DCP2: variants seen among roughly 807,000 people sequenced by gnomAD.
DCP2 encodes decapping mRNA 2.
A neutral mutation model predicts 56.1 loss-of-function variants in DCP2; 30 were observed. That is an observed-to-expected ratio of 0.53 (90% CI 0.40 to 0.73). DCP2 has a LOEUF of 0.73. DCP2 is among the 30% of genes least tolerant of loss of function. The probability of loss-of-function intolerance (pLI) is 0.00; values close to 1 mark genes in which losing one functional copy is unlikely to be tolerated. For synonymous variants in DCP2, 197 were observed against 163.3 expected (o/e 1.21, Z -1.57); for missense variants, 533 against 502.7 (o/e 1.06, Z -0.58).
At chr5:112,990,544 C>CT (rs890645945) in intron 2 of DCP2, among the ~76,000 whole-genome samples, 3 of 151,906 alleles carry the variant, frequency 2.0e-5, no homozygotes, top group African/African-American at 4.8e-5. Context: ...AAGCTTTCAT[C>CT]TTTTTTTTCC....
At chr5:112,999,653 G>A (rs894184224) in intron 4 of DCP2, among the ~76,000 whole-genome samples, 2 of 149,930 alleles carry the variant, frequency 1.3e-5, no homozygotes, top group African/African-American at 4.9e-5. Context: ...TAAAGACAGG[G>A]TCTTGCTCTG....
intron 7 of DCP2, among the ~76,000 whole-genome samples, chr5:113,002,802 C>T (rs992606552): frequency 2.6e-5 from 4 of 152,174 alleles, no homozygotes; most frequent in Non-Finnish European, 5.9e-5. Context: ...AGATTACGGG[C>T]GTGAGCCACC....
chr5:112,979,104 G>C (rs1370407856), intron 1 of DCP2, among the ~76,000 whole-genome samples: 2 of 150,002 alleles, frequency 1.3e-5, no homozygotes, highest in Non-Finnish European at 3.0e-5. Flanking sequence ...AAGTGTTAAA[G>C]ATAGTTGGTT....
chr5:113,021,320 T>TC lies in DCP2; in HGVS notation c.*7837dup, dbSNP rs1474399149. Among the ~76,000 whole-genome samples the TC allele has an allele frequency of 1.1e-4, 16 of 140,058 alleles. No homozygotes were observed. Among genetic ancestry groups the TC allele is most frequent in the Admixed American group, 1.6e-4 (2 of 12,786 alleles). 91.9% of individuals were successfully genotyped at this position (140,058 alleles called of 152,430 possible). A position where few individuals can be genotyped will look rare whatever the true frequency, so the allele number is the denominator to read the frequency against. ...AGGCAGAGGTCGCAGTGAGCTGAGA[T>TC]CACACCACTGCACTCCAGCCTGGGT... is the stretch of plus-strand genomic sequence containing the variant. On this transcript the variant is annotated 3_prime_UTR_variant, in exon 11 of 11. Coordinates refer to ENST00000389063, the MANE Select transcript of DCP2 (RefSeq NM_152624.6).
rs536327651 is a variant in DCP2 at position 112,979,240 on chromosome 5, A to G, written c.53+2254A>G. On this transcript the variant is annotated intron_variant, in intron 1 of 10. Transcript: ENST00000389063. ...TATAAATAAGGATATGATATATTTAAAAATTAGGGCTGGCTGTAATAATGA... is the reference window on the plus strand; with the variant it reads ...TATAAATAAGGATATGATATATTTAGAAATTAGGGCTGGCTGTAATAATGA... Among the ~76,000 whole-genome samples, 281 of 152,292 alleles carry G rather than the reference A, an allele frequency of 1.8e-3. 1 individual carries two copies. Among genetic ancestry groups the G allele is most frequent in the African/African-American group, 6.5e-3 (269 of 41,588 alleles).
At chr5:112,990,668 C>A (rs1219533014) in intron 2 of DCP2, among the ~76,000 whole-genome samples, 1 of 152,100 alleles carries the variant, frequency 6.6e-6, no homozygotes, top group African/African-American at 2.4e-5. Flanking sequence ...TCTTGAACTC[C>A]TGGGCTCAAG....
intron 10 of DCP2, among the ~76,000 whole-genome samples, chr5:113,012,825 G>A (rs867503182): frequency 4.1e-4 from 62 of 151,896 alleles, no homozygotes; most frequent in Middle Eastern, 3.4e-3. Flanking sequence ...TGTATTTTTA[G>A]TAGAGATGGG....
At chr5:113,010,951 T>A in intron 10 of DCP2, 144 bp downstream of exon 10, 1 of 805,852 alleles carries the variant, frequency 1.2e-6, no homozygotes, top group Non-Finnish European at 1.8e-6. Flanking sequence ...TTCATGTATG[T>A]AGAGTTCTCT....
At chr5:113,000,154 C>T (rs1247381086) in intron 4 of DCP2, among the ~76,000 whole-genome samples, 1 of 152,012 alleles carries the variant, frequency 6.6e-6, no homozygotes, top group South Asian at 2.1e-4. Flanking sequence ...TAGATGGAGT[C>T]CCACTGTTGC....
intron 2 of DCP2, among the ~76,000 whole-genome samples, chr5:112,986,198 G>A (rs140316167): frequency 1.7e-4 from 26 of 152,042 alleles, no homozygotes; most frequent in Non-Finnish European, 3.5e-4. Context: ...TACAGAGGAC[G>A]CCCTAAAATG....
intron 4 of DCP2, among the ~76,000 whole-genome samples, chr5:112,993,825 GTCTC>G (rs1479818133): frequency 6.6e-6 from 1 of 151,772 alleles, no homozygotes; most frequent in Non-Finnish European, 1.5e-5. Context: ...TTTCTTTTCT[GTCTC>G]TCTCTCGTGT....
intron 10 of DCP2, among the ~76,000 whole-genome samples, chr5:113,011,427 T>G (rs1468700889): frequency 6.6e-6 from 1 of 152,358 alleles, no homozygotes; most frequent in East Asian, 1.9e-4. Context: ...TGTTAAATAC[T>G]GATTTAGTAG....
At chr5:112,995,319 A>G (rs535192822) in intron 4 of DCP2, among the ~76,000 whole-genome samples, 1 of 152,342 alleles carries the variant, frequency 6.6e-6, no homozygotes, top group East Asian at 1.9e-4. Flanking sequence ...ATGGTAGGAA[A>G]TGAGACGGAC....
intron 4 of DCP2, among the ~76,000 whole-genome samples, chr5:112,993,677 T>G (rs1323165130): frequency 6.6e-6 from 1 of 151,828 alleles, no homozygotes; most frequent in Non-Finnish European, 1.5e-5. Context: ...TACTGTTATT[T>G]TCCTACCTGG....
At position 113,015,042 on chromosome 5, in the gene DCP2, CAATT is replaced by C. The variant is rs576150482; in HGVS notation, c.*1561_*1564del. 2.0e-3 allele frequency: 305 copies of C among 152,718 alleles called. No individual in the cohort carries two copies. Among genetic ancestry groups the C allele is most frequent in the Middle Eastern group, 3.4e-3 (1 of 294 alleles). 9.5% of individuals were successfully genotyped at this position (152,718 alleles called of 1,614,324 possible). A position where few individuals can be genotyped will look rare whatever the true frequency, so the allele number is the denominator to read the frequency against. ...TTTTGGTGCTAAGCAGGAGAATTCA[CAATT>C]AAAGCAGTGTGTATAGAATTATGAT... On this transcript the variant is annotated 3_prime_UTR_variant, in exon 11 of 11. Coordinates refer to ENST00000389063, the MANE Select transcript of DCP2 (RefSeq NM_152624.6).
At chr5:112,986,095 A>C (rs895877856) in intron 2 of DCP2, 109 bp downstream of exon 2, 1 of 1,101,870 alleles carries the variant, frequency 9.1e-7, no homozygotes, top group Non-Finnish European at 1.2e-6. Flanking sequence ...AGAAAAACAT[A>C]CTTGATTGCT....
At chr5:112,986,606 G>A (rs2150171437) in intron 2 of DCP2, among the ~76,000 whole-genome samples, 1 of 152,084 alleles carries the variant, frequency 6.6e-6, no homozygotes, top group South Asian at 2.1e-4. Flanking sequence ...CTAAAGTGCT[G>A]GGATTAGAGG....
At chr5:112,979,949 C>T (rs1747920479) in intron 1 of DCP2, among the ~76,000 whole-genome samples, 1 of 151,978 alleles carries the variant, frequency 6.6e-6, no homozygotes, top group Admixed American at 6.6e-5. Context: ...AGAATATGCG[C>T]CAAACTGATA....
chr5:112,997,552 C>T (rs1465407903), intron 4 of DCP2, among the ~76,000 whole-genome samples: 1 of 152,010 alleles, frequency 6.6e-6, no homozygotes, highest in African/African-American at 2.4e-5. Context: ...AGATTATAGA[C>T]AGGATTTCAT....
Sources: gnomAD v4.1 joint callset for allele counts (sites outside exome capture counted in the v4.1 genomes callset) on GRCh38, gnomAD v4.1.1 for gene constraint, MANE v1.5 for transcripts, NCBI Gene and HGNC (gene_info 2026-07-23, HGNC 2026-07-21) for gene names.